The following GHRHR variants were observed in gnomAD, a reference collection of about 807,000 sequenced individuals.
The protein encoded by GHRHR is growth hormone-releasing hormone receptor.
In GHRHR, 40 loss-of-function variants were observed where a neutral mutation model predicts 58.3. That is an observed-to-expected ratio of 0.69 (90% CI 0.53 to 0.89). The LOEUF is 0.89. GHRHR is among the 40% of genes least tolerant of loss of function. The pLI is 0.00. For synonymous variants in GHRHR, 249 were observed against 216.6 expected, an observed-to-expected ratio of 1.15 and a Z score of -1.31; for missense variants, 551 against 541.3, an observed-to-expected ratio of 1.02 and a Z score of -0.18.
rs767279880 is a variant in GHRHR at position 30,979,180 on chromosome 7, G to T, written c.1208G>T (p.Arg403Met). The change falls in exon 13 of 13, where the codon AGG (arginine) becomes ATG (methionine). Residue 403 changes from arginine (R) to methionine (M), a missense_variant. By Grantham distance (91) the Arg-to-Met change is moderately conservative. Transcript: ENST00000326139. Reference sequence around the variant, plus strand: ...GACCCTGAGCTTCTGCCAGCCTGGAGGACCCGTGCTAAGTGGACCACGCCT... The same window carrying T: ...GACCCTGAGCTTCTGCCAGCCTGGATGACCCGTGCTAAGTGGACCACGCCT... ...GHDPELLPAWRTRAKWTTPSR... is the reference protein window; with the variant it reads ...GHDPELLPAWMTRAKWTTPSR... The T allele has an allele frequency of 6.2e-6, 10 of 1,613,552 alleles. No individual in the cohort carries two copies. The Admixed American group carries it at 1.0e-4, about 16-fold the overall frequency.
rs375562610 is a variant in GHRHR, at chr7:30,974,437, G to A, written c.760G>A (p.Val254Met). 1.4e-5 allele frequency: 23 copies of A among 1,611,062 alleles called. No individual in the cohort carries two copies. The highest frequency in any genetic ancestry group is 1.8e-5 in the Non-Finnish European group (21 of 1,177,288). Residue 254 changes from valine to methionine, a missense_variant, in exon 8 of 13, where the codon GTG becomes ATG. Physicochemically the swap from Val to Met is conservative, Grantham distance 21. Coordinates refer to ENST00000326139, the MANE Select transcript of GHRHR (RefSeq NM_000823.4). ...WLVLAGWGLPVLFTGTWVSCK... is the reference protein window; with the variant it reads ...WLVLAGWGLPMLFTGTWVSCK... ...TCCCTGTACTCCTGTAGGGCTGCCCGTGCTCTTCACTGGCACGTGGGTGAG... is the reference window on the plus strand; with the variant it reads ...TCCCTGTACTCCTGTAGGGCTGCCCATGCTCTTCACTGGCACGTGGGTGAG...
chr7:30,971,840 A>G lies in GHRHR; in HGVS notation c.465-123A>G, dbSNP rs888259888. ...GAAGCCTCAAGTTCAGCTCAATTCA[A>G]TTCAGTTTGATTGCATCCAGTTTGA... On this transcript the variant is annotated intron_variant, in intron 5 of 12. Coordinates refer to ENST00000326139, the MANE Select transcript of GHRHR (RefSeq NM_000823.4). The G allele has an allele frequency of 1.4e-5, 12 of 886,558 alleles. No homozygotes were observed. In the African/African-American group the frequency reaches 2.0e-4, roughly 15 times the overall value. The allele number at this position is 886,558 out of a possible 1,614,324, so 54.9% of individuals were successfully genotyped here. A position where few individuals can be genotyped will look rare whatever the true frequency, so the allele number is the denominator to read the frequency against.
intron 6 of GHRHR, among the ~76,000 whole-genome samples, chr7:30,972,808 C>T (rs894606447): frequency 1.3e-5 from 2 of 152,130 alleles, no homozygotes; most frequent in Non-Finnish European, 2.9e-5. Context: ...AAATGAACAG[C>T]GAAATCAGGG....
In GHRHR at chr7:30,964,043, T is replaced by C; in HGVS notation, c.-26T>C. 2 of 1,548,026 alleles carry C rather than the reference T, an allele frequency of 1.3e-6. No homozygotes were observed. The highest frequency in any genetic ancestry group is 1.7e-6 in the Non-Finnish European group (2 of 1,144,890). ...GATAGCCAAGGCTTACTGAGGCTGG[T>C]GGAGGGAGCCACTGCTGGGCTCACC... On this transcript the variant is annotated 5_prime_UTR_variant, in exon 1 of 13. Transcript: ENST00000326139.
At chr7:30,973,595 A>T (rs997078208) in intron 6 of GHRHR, among the ~76,000 whole-genome samples, 1 of 152,182 alleles carries the variant, frequency 6.6e-6, no homozygotes, top group Non-Finnish European at 1.5e-5. Flanking sequence ...TGGCTGAATA[A>T]GTCACAGCTC....
intron 9 of GHRHR, 108 bp downstream of exon 9, chr7:30,975,148 C>G: frequency 1.2e-6 from 1 of 815,718 alleles, no homozygotes; most frequent in Non-Finnish European, 2.2e-6. Context: ...GTCTTGAAAA[C>G]TGGGCTCCAG....
chr7:30,977,389 C>A, intron 12 of GHRHR, 67 bp downstream of exon 12: 1 of 1,360,884 alleles, frequency 7.3e-7, no homozygotes, highest in Non-Finnish European at 1.1e-6. Flanking sequence ...CCCTCCTCCT[C>A]TCTCCCACTC....
intron 1 of GHRHR, among the ~76,000 whole-genome samples, chr7:30,966,667 G>A (rs1211937477): frequency 6.6e-6 from 1 of 151,210 alleles, no homozygotes; most frequent in East Asian, 1.9e-4. Flanking sequence ...TTCTGAGATG[G>A]AGTCTCACTT....
intron 4 of GHRHR, among the ~76,000 whole-genome samples, chr7:30,970,749 C>A (rs1172029261): frequency 1.3e-5 from 2 of 152,250 alleles, no homozygotes; most frequent in African/African-American, 4.8e-5. Context: ...TATTTGGATA[C>A]ATTGTGTTCC....
At chr7:30,979,051 G>C in intron 12 of GHRHR, 68 bp from the exon 13 acceptor site, 1 of 1,484,526 alleles carries the variant, frequency 6.7e-7, no homozygotes, top group Non-Finnish European at 9.4e-7. Context: ...CTGCACCTTA[G>C]TCTCATTGGG....
chr7:30,970,009 T>C (rs1454865741), intron 4 of GHRHR, 45 bp downstream of exon 4: 4 of 838,180 alleles, frequency 4.8e-6, no homozygotes, highest in Non-Finnish European at 8.5e-6. Flanking sequence ...CCATGGACAT[T>C]TGTATGGGTG....
At chr7:30,969,357 A>G (rs941325870) in intron 3 of GHRHR, among the ~76,000 whole-genome samples, 187 bp downstream of exon 3, 2 of 152,210 alleles carry the variant, frequency 1.3e-5, no homozygotes, top group African/African-American at 4.8e-5. Context: ...GGAGAACAAG[A>G]GCATTAACTG....
intron 3 of GHRHR, 91 bp from the exon 4 acceptor site, chr7:30,969,776 T>G (rs1365538898): frequency 1.6e-6 from 2 of 1,272,104 alleles, no homozygotes; most frequent in Non-Finnish European, 2.3e-6. Context: ...ATGCAAACCC[T>G]GCCAGGGTCA....
intron 5 of GHRHR, among the ~76,000 whole-genome samples, chr7:30,971,556 G>C (rs1163165465): frequency 3.3e-5 from 5 of 151,962 alleles, no homozygotes; most frequent in African/African-American, 1.2e-4. Context: ...ATAACTCTCT[G>C]ACCACTGTCC....
chr7:30,976,823 C>A (rs1792595015), intron 11 of GHRHR, among the ~76,000 whole-genome samples: 1 of 151,804 alleles, frequency 6.6e-6, no homozygotes, highest in Non-Finnish European at 1.5e-5. Flanking sequence ...TACCCACCCA[C>A]CAACCCATCC....
intron 1 of GHRHR, among the ~76,000 whole-genome samples, chr7:30,968,386 G>A (rs895415001): frequency 6.6e-6 from 1 of 152,006 alleles, no homozygotes; most frequent in Admixed American, 6.6e-5. Flanking sequence ...ATCTTCAGAA[G>A]CATATTGTCT....
At chr7:30,968,731 C>T (rs1316229664) in intron 1 of GHRHR, 103 bp from the exon 2 acceptor site, 1 of 746,100 alleles carries the variant, frequency 1.3e-6, no homozygotes, top group Admixed American at 1.9e-5. Flanking sequence ...GATTAGGGCA[C>T]AGATATGAAT....
chr7:30,967,966 C>A (rs1792392349), intron 1 of GHRHR, among the ~76,000 whole-genome samples: 1 of 152,184 alleles, frequency 6.6e-6, no homozygotes, highest in Non-Finnish European at 1.5e-5. Context: ...ATTTCCTTGC[C>A]TTTTCCTTGG....
Position 30,969,135 on chromosome 7 carries a change from G to T in GHRHR, c.233G>T (p.Cys78Phe), listed in dbSNP as rs760129030. 1.3e-6 allele frequency: 2 copies of T among 1,574,052 alleles called. No homozygotes were observed. Among genetic ancestry groups the T allele is most frequent in the South Asian group, 1.2e-5 (1 of 85,854 alleles). The change falls in exon 3 of 13, where the codon TGC becomes TTC. Residue 78 changes from cysteine (C) to phenylalanine (F), a missense_variant. Cys to Phe is a radical substitution (Grantham distance 205). Transcript: ENST00000326139. ...AGSGEWVTLP[C>F]PDFFSHFSSE... ...TCTGGCGAGTGGGTCACCCTCCCCT[G>T]CCCGGATTTCTTCTCTCACTTCAGC...
Sources: gnomAD v4.1 joint callset for allele counts (sites outside exome capture counted in the v4.1 genomes callset) on GRCh38, gnomAD v4.1.1 for gene constraint, MANE v1.5 for transcripts, NCBI Gene and HGNC (gene_info 2026-07-23, HGNC 2026-07-21) for gene names.